Variants in BICD1 observed in about 807,000 individuals in gnomAD.
The protein encoded by BICD1 is BICD cargo adaptor 1, also known as protein bicaudal D homolog 1.
In BICD1, 35 loss-of-function variants were observed where a neutral mutation model predicts 92.5. That is an observed-to-expected ratio of 0.38 (90% CI 0.29 to 0.50). The LOEUF is 0.50. BICD1 is among the 20% of genes least tolerant of loss of function. The pLI is 0.93. For synonymous variants in BICD1, 429 were observed against 465.1 expected (o/e 0.92, Z 1.00); for missense variants, 950 against 1,189.8 (o/e 0.80, Z 2.97).
chr12:32,335,756 T>C (rs1158303672), intron 6 of BICD1, among the ~76,000 whole-genome samples: 4 of 151,800 alleles, frequency 2.6e-5, no homozygotes, highest in African/African-American at 9.7e-5. Context: ...CGCTAATTTT[T>C]GTGGTTTTTG....
Position 32,142,405 on chromosome 12 carries a change from T to TAAA in BICD1, c.213+34885_213+34887dup, listed in dbSNP as rs1162662533. ...CTGGGCAAAAGAGTGAGACTCTGTC[T>TAAA]AAAAAAAAAAAAAAAAAAAAAAAAA... On this transcript the variant is annotated intron_variant, in intron 1 of 9. Coordinates refer to ENST00000652176, the MANE Select transcript of BICD1 (RefSeq NM_001714.4). 1.9e-3 allele frequency among the ~76,000 whole-genome samples: 118 copies of TAAA among 63,386 alleles called. 4 individuals carry two copies. Among genetic ancestry groups the TAAA allele is most frequent in the African/African-American group, 7.5e-3 (111 of 14,754 alleles). The allele number at this position is 63,386 out of a possible 152,430, so 41.6% of individuals were successfully genotyped here. A position where few individuals can be genotyped will look rare whatever the true frequency, so the allele number is the denominator to read the frequency against.
In BICD1 at chr12:32,338,863, T is replaced by C. The variant is rs1205545202; in HGVS notation, c.2648T>C (p.Val883Ala). 6 of 1,605,964 alleles carry C rather than the reference T, an allele frequency of 3.7e-6. No individual in the cohort carries two copies. The highest frequency in any genetic ancestry group is 5.1e-6 in the Non-Finnish European group (6 of 1,176,670). The change falls in exon 8 of 10, where the codon GTT becomes GCT. Residue 883 changes from valine (V) to alanine (A), a missense_variant. Physicochemically the swap from Val to Ala is moderately conservative, Grantham distance 64. This residue lies in a region of BICD1 where 179 missense variants were observed against 186.7 expected (regional missense o/e 0.96). Transcript: ENST00000652176. The stretch of plus-strand genomic sequence containing the variant: ...TCCTACCTACAGAATTTATTAAGAG[T>C]TCCCCCTGATCCCACCTCCACAGAA... ...GASYLQNLLR[V>A]PPDPTSTESF...
intron 1 of BICD1, among the ~76,000 whole-genome samples, chr12:32,130,379 G>A (rs538688585): frequency 6.6e-6 from 1 of 152,010 alleles, no homozygotes; most frequent in Non-Finnish European, 1.5e-5. Flanking sequence ...AACTTTTTGT[G>A]TTTTTAGTAG....
intron 8 of BICD1, among the ~76,000 whole-genome samples, chr12:32,346,594 A>ATATATATACGTG (rs1938614379): frequency 1.1e-4 from 2 of 17,434 alleles, no homozygotes; most frequent in Non-Finnish European, 1.6e-4. Flanking sequence ...GTGTATATAT[A>ATATATATACGTG]TATATATATA....
At position 32,350,945 on chromosome 12, in the gene BICD1, A is replaced by G. The variant is rs563962153; in HGVS notation, c.2764+11966A>G. 2.6e-5 allele frequency among the ~76,000 whole-genome samples: 4 copies of G among 151,486 alleles called. No individual in the cohort carries two copies. The South Asian group carries it at 8.5e-4, about 32-fold the overall frequency. On this transcript the variant is annotated intron_variant, in intron 8 of 9. Transcript: ENST00000652176. ...ATTTAAAGTTTTTTGTGAACTGTAC[A>G]TGCAATAGCCAAGTTTATTTTAACT...
At chr12:32,231,588 TTTATTTATTTA>T (rs1473934121) in intron 2 of BICD1, among the ~76,000 whole-genome samples, 4 of 150,260 alleles carry the variant, frequency 2.7e-5, no homozygotes, top group African/African-American at 7.3e-5. Flanking sequence ...TATTTATTTA[TTTATTTATTTA>T]TTATTATACT....
intron 1 of BICD1, among the ~76,000 whole-genome samples, chr12:32,161,763 G>T (rs539729443): frequency 6.6e-6 from 1 of 152,208 alleles, no homozygotes; most frequent in East Asian, 1.9e-4. Flanking sequence ...TTAAGTGCAG[G>T]GAAGTATATA....
chr12:32,302,044 G>A (rs567597336), intron 3 of BICD1, among the ~76,000 whole-genome samples: 80 of 151,908 alleles, frequency 5.3e-4, no homozygotes, highest in African/African-American at 1.8e-3. Flanking sequence ...CTGCCACCAC[G>A]CCCCACTAAT....
At chr12:32,130,483 G>T (rs1942503608) in intron 1 of BICD1, among the ~76,000 whole-genome samples, 1 of 152,154 alleles carries the variant, frequency 6.6e-6, no homozygotes, top group Admixed American at 6.5e-5. Context: ...GAGCCACCAC[G>T]CCCGGCCCCA....
intron 1 of BICD1, among the ~76,000 whole-genome samples, chr12:32,196,742 G>C (rs1944738249): frequency 6.6e-6 from 1 of 152,130 alleles, no homozygotes; most frequent in South Asian, 2.1e-4. Flanking sequence ...GTGTTTACTT[G>C]AAATTAGATA....
chr12:32,220,760 T>C (rs1337166827), intron 2 of BICD1, among the ~76,000 whole-genome samples: 26 of 143,262 alleles, frequency 1.8e-4, no homozygotes, highest in Admixed American at 1.6e-3. Context: ...ACCCAAAGGA[T>C]TATAAATCAT....
chr12:32,311,812 G>A (rs1041842769), intron 4 of BICD1, among the ~76,000 whole-genome samples: 6 of 152,218 alleles, frequency 3.9e-5, no homozygotes, highest in African/African-American at 9.6e-5. Context: ...AAGGAAGGAA[G>A]GAAAACAAAG....
chr12:32,137,664 A>C (rs1942778232), intron 1 of BICD1, among the ~76,000 whole-genome samples: 1 of 152,182 alleles, frequency 6.6e-6, no homozygotes, highest in South Asian at 2.1e-4. Flanking sequence ...TAGTCGTATC[A>C]GTTTGATTAA....
In BICD1 at chr12:32,377,721, G is replaced by T. The variant is rs1474957349; in HGVS notation, c.*94G>T. 8.9e-7 allele frequency: 1 copy of T among 1,128,236 alleles called. No individual in the cohort carries two copies. The highest frequency in any genetic ancestry group is 2.4e-5 in the East Asian group (1 of 42,068). The allele number at this position is 1,128,236 out of a possible 1,614,324, so 69.9% of individuals were successfully genotyped here. The stretch of plus-strand genomic sequence containing the variant: ...TCCAGCGGGTGTTTTCTTCTCGGTT[G>T]TTAGATGTACAATTGGATTAATGTC... On this transcript the variant is annotated 3_prime_UTR_variant, in exon 10 of 10. Coordinates refer to ENST00000652176, the MANE Select transcript of BICD1 (RefSeq NM_001714.4).
In BICD1 at chr12:32,266,843, A is replaced by C. The variant is rs972992463; in HGVS notation, c.427-27151A>C. Among the ~76,000 whole-genome samples the C allele has an allele frequency of 7.6e-5, 11 of 143,830 alleles. No homozygotes were observed. In the South Asian group the frequency reaches 1.6e-3, roughly 21 times the overall value. 94.4% of individuals were successfully genotyped at this position (143,830 alleles called of 152,430 possible). On this transcript the variant is annotated intron_variant, in intron 2 of 9. Transcript: ENST00000652176. ...ACCGCACTCTAGCCTGGGCAATAGAATGAGACTCTGTCTCAAAAAAAAAAA... is the reference window on the plus strand; with the variant it reads ...ACCGCACTCTAGCCTGGGCAATAGACTGAGACTCTGTCTCAAAAAAAAAAA...
At chr12:32,291,829 A>G (rs261874) in intron 2 of BICD1, among the ~76,000 whole-genome samples, 2 of 151,836 alleles carry the variant, frequency 1.3e-5, no homozygotes, top group East Asian at 3.9e-4. Flanking sequence ...CAGAGTGAGA[A>G]CATGTCTTTA....
At chr12:32,136,245 C>T (rs1411116113) in intron 1 of BICD1, among the ~76,000 whole-genome samples, 2 of 152,186 alleles carry the variant, frequency 1.3e-5, no homozygotes, top group African/African-American at 4.8e-5. Flanking sequence ...AGGTAGGGAC[C>T]ATGGCTTTCT....
chr12:32,138,196 A>G (rs986378237), intron 1 of BICD1, among the ~76,000 whole-genome samples: 1 of 152,252 alleles, frequency 6.6e-6, no homozygotes, highest in African/African-American at 2.4e-5. Context: ...CATATGCCTC[A>G]TTAGCCTATG....
At chr12:32,373,836 C>T (rs192315873) in intron 9 of BICD1, among the ~76,000 whole-genome samples, 5 of 150,166 alleles carry the variant, frequency 3.3e-5, no homozygotes, top group East Asian at 4.0e-4. Context: ...GCCAAGATCG[C>T]GCCAGTGCAC....
Sources: allele counts gnomAD v4.1 joint callset (sites outside exome capture counted in the v4.1 genomes callset), GRCh38; gene constraint gnomAD v4.1.1; regional missense constraint gnomAD v4.1.1; transcripts MANE v1.5; gene names NCBI Gene and HGNC (gene_info 2026-07-23, HGNC 2026-07-21).